The following FXR1 variants were observed in gnomAD, a reference collection of about 807,000 sequenced individuals.
FXR1 encodes the protein FMR1 autosomal homolog 1, also known as RNA-binding protein FXR1.
In FXR1, 15 loss-of-function variants were observed where a neutral mutation model predicts 84.0. The ratio of observed to expected loss-of-function variants is 0.18; its 90% CI spans 0.12 to 0.27. The LOEUF (loss-of-function observed/expected upper bound fraction) is 0.27. Among genes scored for constraint, FXR1 ranks in the 10% least tolerant of loss-of-function variants. FXR1 has a pLI of 1.00. For missense variants in FXR1, 480 were observed against 774.4 expected (o/e 0.62, Z 4.51); for synonymous variants, 245 against 250.7 (o/e 0.98, Z 0.21).
intron 10 of FXR1, among the ~76,000 whole-genome samples, chr3:180,960,684 C>T (rs957518148): frequency 3.0e-4 from 45 of 151,986 alleles, no homozygotes; most frequent in African/African-American, 6.3e-4. Flanking sequence ...AGGCTGGTCT[C>T]GAACTCATGA....
intron 8 of FXR1, among the ~76,000 whole-genome samples, chr3:180,952,609 G>A (rs1328212585): frequency 6.6e-6 from 1 of 151,782 alleles, no homozygotes; most frequent in African/African-American, 2.4e-5. Context: ...GAGCTATACT[G>A]CCTGGATTGG....
chr3:180,961,616 A>G, intron 11 of FXR1, 62 bp downstream of exon 11: 1 of 735,330 alleles, frequency 1.4e-6, no homozygotes, highest in East Asian at 2.6e-5. Flanking sequence ...TAAATGTTGT[A>G]CATTTGCTAC....
intron 13 of FXR1, 87 bp from the exon 14 acceptor site, chr3:180,967,963 TA>T: frequency 1.2e-6 from 1 of 851,102 alleles, no homozygotes; most frequent in South Asian, 1.4e-5. Flanking sequence ...ATTGCTTATT[TA>T]AACAATAATT....
chr3:180,944,557 G>A (rs1319851584), intron 3 of FXR1, among the ~76,000 whole-genome samples: 1 of 151,508 alleles, frequency 6.6e-6, no homozygotes, highest in Non-Finnish European at 1.5e-5. Flanking sequence ...AAACTCCTGG[G>A]CTCAAGCAGT....
At chr3:180,925,510 C>A (rs886493626) in intron 1 of FXR1, among the ~76,000 whole-genome samples, 2 of 152,128 alleles carry the variant, frequency 1.3e-5, no homozygotes, top group African/African-American at 4.8e-5. Context: ...GCGGTCATTC[C>A]TAAAGTGGTT....
chr3:180,932,094 C>G (rs1200297390), intron 1 of FXR1, among the ~76,000 whole-genome samples: 2 of 34,610 alleles, frequency 5.8e-5, no homozygotes, highest in South Asian at 2.1e-3. Flanking sequence ...AAAAAAACAA[C>G]TTTTTTGTTG....
chr3:180,975,308 A>C lies in FXR1; in HGVS notation c.1604-5A>C. 7.8e-7 allele frequency: 1 copy of C among 1,282,290 alleles called. No individual in the cohort carries two copies. Among genetic ancestry groups the C allele is most frequent in the Non-Finnish European group, 1.1e-6 (1 of 910,650 alleles). 79.4% of individuals were successfully genotyped at this position (1,282,290 alleles called of 1,614,324 possible). On this transcript the variant is annotated splice_polypyrimidine_tract_variant and splice_region_variant and intron_variant, in intron 15 of 16. Transcript: ENST00000357559. ...CACCTGTAATTTTTTTCTCATCTTT[A>C]ACAGTCACAGTTGCAGATTATATTT...
Position 180,914,911 on chromosome 3 carries a change from A to G in FXR1, c.51+2175A>G, listed in dbSNP as rs1717695533. The G allele has an allele frequency of 8.1e-6, 8 of 984,536 alleles. No homozygotes were observed. In the South Asian group the frequency reaches 3.8e-4, roughly 46 times the overall value. The allele number at this position is 984,536 out of a possible 1,614,324, so 61.0% of individuals were successfully genotyped here. A position where few individuals can be genotyped will look rare whatever the true frequency, so the allele number is the denominator to read the frequency against. ...CCACTTGCATATGCACTTTGTGGAA[A>G]CTGTGGTCTTCAGAACTCTGGAAGA... is the stretch of plus-strand genomic sequence containing the variant. On this transcript the variant is annotated intron_variant, in intron 1 of 16. Coordinates refer to ENST00000357559, the MANE Select transcript of FXR1 (RefSeq NM_005087.4).
At chr3:180,944,535 C>A (rs1721489721) in intron 3 of FXR1, among the ~76,000 whole-genome samples, 1 of 151,802 alleles carries the variant, frequency 6.6e-6, no homozygotes, top group Non-Finnish European at 1.5e-5. Context: ...CTGTGTTGTC[C>A]AGGTTGGTCT....
intron 9 of FXR1, among the ~76,000 whole-genome samples, chr3:180,955,933 A>C (rs1722700832): frequency 6.6e-6 from 1 of 152,206 alleles, no homozygotes; most frequent in Non-Finnish European, 1.5e-5. Flanking sequence ...GGAAATACAC[A>C]TTAGCAGTGA....
intron 6 of FXR1, 24 bp downstream of exon 6, chr3:180,948,838 G>T: frequency 1.9e-6 from 2 of 1,026,482 alleles, no homozygotes; most frequent in Non-Finnish European, 3.1e-6. Flanking sequence ...ATATTATAAG[G>T]TAGCTTATTA....
Position 180,970,100 on chromosome 3 carries a change from A to G in FXR1, c.1403-58A>G. ...CATTGATATAGTTCAATATAGATCA[A>G]ACATTCATAATTGCAGTACTCTTAA... On this transcript the variant is annotated intron_variant, in intron 14 of 16. Coordinates refer to ENST00000357559, the MANE Select transcript of FXR1 (RefSeq NM_005087.4). The G allele has an allele frequency of 3.4e-6, 3 of 890,570 alleles. No homozygotes were observed. The South Asian group carries it at 4.0e-5, about 12-fold the overall frequency. 55.2% of individuals were successfully genotyped at this position (890,570 alleles called of 1,614,324 possible). A position where few individuals can be genotyped will look rare whatever the true frequency, so the allele number is the denominator to read the frequency against.
rs529623919 is a variant in FXR1, at chr3:180,953,674, T to G, written c.802-88T>G. 5.8e-5 allele frequency: 40 copies of G among 688,386 alleles called. 1 individual carries two copies. The African/African-American group carries it at 6.1e-4, about 11-fold the overall frequency. The allele number at this position is 688,386 out of a possible 1,614,324, so 42.6% of individuals were successfully genotyped here. ...TTAGTAGAACATAATCATTCAGAAT[T>G]TTCTCTTTTCTCATCTTCTTGTTTT... On this transcript the variant is annotated intron_variant, in intron 8 of 16. Transcript: ENST00000357559.
At chr3:180,943,339 A>G (rs958176863) in intron 3 of FXR1, among the ~76,000 whole-genome samples, 5 of 124,314 alleles carry the variant, frequency 4.0e-5, no homozygotes, top group African/African-American at 1.6e-4. Context: ...CAGTGGTGCG[A>G]TCTTGGCTCA....
At chr3:180,945,053 A>G (rs1721556002) in intron 3 of FXR1, among the ~76,000 whole-genome samples, 1 of 152,278 alleles carries the variant, frequency 6.6e-6, no homozygotes, top group African/African-American at 2.4e-5. Flanking sequence ...ACTGTTATAC[A>G]TGAACCTAGA....
chr3:180,972,086 A>C (rs1366069264), intron 15 of FXR1, among the ~76,000 whole-genome samples: 1 of 152,242 alleles, frequency 6.6e-6, no homozygotes, highest in Non-Finnish European at 1.5e-5. Flanking sequence ...TTTTTAGAGC[A>C]ATTAAATATT....
chr3:180,917,972 C>T (rs1031210243), intron 1 of FXR1, among the ~76,000 whole-genome samples: 1 of 134,304 alleles, frequency 7.4e-6, no homozygotes, highest in Non-Finnish European at 1.6e-5. Context: ...AAAAAAAAGT[C>T]AATTTAAATG....
chr3:180,942,377 C>CAAAAAAAAAAAA lies in FXR1; in HGVS notation c.199-5471_199-5460dup, dbSNP rs765066164. On this transcript the variant is annotated intron_variant, in intron 3 of 16. Transcript: ENST00000357559. ...TGGGCGACAGAGCGAGACTCCGTCT[C>CAAAAAAAAAAAA]AAAAAAAAAAAAAAAAAAAAAAAAA... 2.2e-3 allele frequency among the ~76,000 whole-genome samples: 68 copies of CAAAAAAAAAAAA among 31,126 alleles called. 5 individuals carry two copies. Among genetic ancestry groups the CAAAAAAAAAAAA allele is most frequent in the African/African-American group, 7.4e-3 (64 of 8,706 alleles). The allele number at this position is 31,126 out of a possible 152,430, so 20.4% of individuals were successfully genotyped here.
chr3:180,958,006 G>A, intron 10 of FXR1, 78 bp downstream of exon 10: 1 of 618,372 alleles, frequency 1.6e-6, no homozygotes, highest in Non-Finnish European at 2.9e-6. Context: ...CATTTTGTCT[G>A]TTTTATCTGA....
Sources: allele counts gnomAD v4.1 joint callset (sites outside exome capture counted in the v4.1 genomes callset), GRCh38; gene constraint gnomAD v4.1.1; transcripts MANE v1.5; gene names NCBI Gene and HGNC (gene_info 2026-07-23, HGNC 2026-07-21).